Variants in PDE4D observed in about 807,000 individuals in gnomAD.
PDE4D encodes the protein phosphodiesterase 4D.
In PDE4D, 24 loss-of-function variants were observed where a neutral mutation model predicts 87.4. The ratio of observed to expected loss-of-function variants is 0.27; its 90% CI spans 0.20 to 0.39. The LOEUF (loss-of-function observed/expected upper bound fraction) is 0.39. PDE4D is among the 10% of genes least tolerant of loss of function. The pLI, the probability that PDE4D is intolerant of heterozygous loss-of-function variation, is 1.00. For missense variants in PDE4D, 714 were observed against 1,041.0 expected, an observed-to-expected ratio of 0.69 and a Z score of 4.32; for synonymous variants, 384 against 383.2, an observed-to-expected ratio of 1.00 and a Z score of -0.02.
At chr5:59,816,688 T>C (rs553542554) in intron 1 of PDE4D, among the ~76,000 whole-genome samples, 1 of 152,250 alleles carries the variant, frequency 6.6e-6, no homozygotes, top group African/African-American at 2.4e-5. Flanking sequence ...TGTACACAGA[T>C]AGTCTGCTCC....
chr5:60,059,885 G>A (rs1771202645), intron 2 of PDE4D, among the ~76,000 whole-genome samples: 1 of 151,920 alleles, frequency 6.6e-6, no homozygotes, highest in Non-Finnish European at 1.5e-5. Context: ...GGCATGTTCT[G>A]ATCCCCCCCA....
intron 1 of PDE4D, among the ~76,000 whole-genome samples, chr5:60,386,114 A>G (rs1346829725): frequency 6.6e-6 from 1 of 152,212 alleles, no homozygotes; most frequent in African/African-American, 2.4e-5. Context: ...ATACAAAATA[A>G]ATAATAAATC....
chr5:59,819,418 A>G (rs747474978), intron 1 of PDE4D, among the ~76,000 whole-genome samples: 33 of 152,104 alleles, frequency 2.2e-4, no homozygotes, highest in Non-Finnish European at 4.3e-4. Flanking sequence ...TTTTTCTCCC[A>G]TTCTTCCAGA....
chr5:59,657,980 A>C (rs1467877706), intron 1 of PDE4D, among the ~76,000 whole-genome samples: 2 of 152,188 alleles, frequency 1.3e-5, no homozygotes, highest in Non-Finnish European at 2.9e-5. Context: ...TTACATAAAA[A>C]TTCCTGTTGG....
At chr5:59,767,006 C>G (rs1192310414) in intron 1 of PDE4D, among the ~76,000 whole-genome samples, 3 of 152,142 alleles carry the variant, frequency 2.0e-5, no homozygotes, top group Non-Finnish European at 2.9e-5. Context: ...TTGGTCATGT[C>G]TTTGGGTGTG....
intron 1 of PDE4D, among the ~76,000 whole-genome samples, chr5:59,342,969 CTT>C (rs61034507): frequency 4.8e-5 from 7 of 145,914 alleles, no homozygotes; most frequent in African/African-American, 1.5e-4. Flanking sequence ...TAGAAATTTT[CTT>C]TTTTTTTTTT....
At chr5:60,185,413 G>T in intron 2 of PDE4D, 1 of 527,860 alleles carries the variant, frequency 1.9e-6, no homozygotes, top group South Asian at 2.5e-5. Context: ...TTGTTAATAA[G>T]CTGTGTACAG....
At chr5:58,981,483 AAGAAAAAGAAAATGAAGATAAGTTAAT>A (rs1309978809) in intron 11 of PDE4D, among the ~76,000 whole-genome samples, 1 of 146,450 alleles carries the variant, frequency 6.8e-6, no homozygotes, top group Non-Finnish European at 1.5e-5. Flanking sequence ...ATAAGGGAAT[AAGAAAAAGAAAATGAAGATAAGTTAAT>A]ACCTCTTATG....
chr5:60,444,576 T>G (rs1745491712), intron 1 of PDE4D, among the ~76,000 whole-genome samples: 1 of 152,166 alleles, frequency 6.6e-6, no homozygotes, highest in Non-Finnish European at 1.5e-5. Flanking sequence ...AGGAGGCTCT[T>G]TGATTGTTGT....
chr5:59,620,229 G>A (rs1034138278), intron 1 of PDE4D, among the ~76,000 whole-genome samples: 1 of 152,194 alleles, frequency 6.6e-6, no homozygotes, highest in Admixed American at 6.5e-5. Flanking sequence ...TGGGTCTGGA[G>A]AGTATGAACT....
exon 3 of PDE4D, chr5:59,988,631 A>G: frequency 6.3e-7 from 1 of 1,599,388 alleles, no homozygotes; most frequent in Non-Finnish European, 8.5e-7. Context: ...GAATATTGCG[A>G]CATGAAAGTC....
At chr5:59,743,340 A>G (rs1029577059) in intron 1 of PDE4D, among the ~76,000 whole-genome samples, 2 of 152,196 alleles carry the variant, frequency 1.3e-5, no homozygotes, top group African/African-American at 4.8e-5. Flanking sequence ...CATTTTAGAA[A>G]CAAAAGATTA....
chr5:59,440,341 G>A (rs995467410), intron 1 of PDE4D, among the ~76,000 whole-genome samples: 6 of 152,176 alleles, frequency 3.9e-5, no homozygotes, highest in South Asian at 2.1e-4. Flanking sequence ...AACAGAAACC[G>A]GTGCTAACAT....
chr5:60,504,886 A>C (rs973260386), intron 1 of PDE4D, among the ~76,000 whole-genome samples: 2 of 152,166 alleles, frequency 1.3e-5, no homozygotes, highest in Non-Finnish European at 2.9e-5. Context: ...TGCAAATGGG[A>C]GAGCTCCCCT....
chr5:60,169,591 T>G (rs1161121565), intron 2 of PDE4D, among the ~76,000 whole-genome samples: 2 of 152,186 alleles, frequency 1.3e-5, no homozygotes, highest in South Asian at 4.1e-4. Flanking sequence ...AGGCAAGAGA[T>G]GAAGAAATAA....
At chr5:58,988,271 T>C (rs775801646) in intron 11 of PDE4D, among the ~76,000 whole-genome samples, 52 of 152,164 alleles carry the variant, frequency 3.4e-4, no homozygotes, top group Middle Eastern at 3.2e-3. Flanking sequence ...AATATATTAC[T>C]TTTAAAGAGA....
chr5:60,046,616 T>G (rs1280842276), intron 2 of PDE4D, among the ~76,000 whole-genome samples: 1 of 152,220 alleles, frequency 6.6e-6, no homozygotes, highest in East Asian at 1.9e-4. Flanking sequence ...CTGCATCTAT[T>G]GAGATAATCA....
At chr5:59,768,803 C>A (rs750405221) in intron 1 of PDE4D, among the ~76,000 whole-genome samples, 1 of 152,218 alleles carries the variant, frequency 6.6e-6, no homozygotes, top group Non-Finnish European at 1.5e-5. Flanking sequence ...ACGGCTTTGT[C>A]CGTGCTACAA....
chr5:58,986,279 CAAACTTT>C (rs1328646974), intron 11 of PDE4D, among the ~76,000 whole-genome samples: 2 of 152,288 alleles, frequency 1.3e-5, no homozygotes, highest in Middle Eastern at 3.4e-3. Flanking sequence ...CATTGGTTCT[CAAACTTT>C]AGAGTATCAG....
Sources: allele counts gnomAD v4.1 joint callset (sites outside exome capture counted in the v4.1 genomes callset), GRCh38; gene constraint gnomAD v4.1.1; transcripts MANE v1.5; gene names NCBI Gene and HGNC (gene_info 2026-07-23, HGNC 2026-07-21).